The following GRM3 variants were observed in gnomAD, a reference collection of about 807,000 sequenced individuals.
GRM3 encodes the protein metabotropic glutamate receptor 3.
Under a neutral mutation model 70.5 loss-of-function variants are expected in GRM3, and 26 were observed. That is an observed-to-expected ratio of 0.37 (90% CI 0.27 to 0.51). The LOEUF (loss-of-function observed/expected upper bound fraction) is 0.51. Among genes scored for constraint, GRM3 ranks in the 20% least tolerant of loss-of-function variants. The pLI is 0.93. For missense variants in GRM3, 859 were observed against 1,123.8 expected, an observed-to-expected ratio of 0.76 and a Z score of 3.37; for synonymous variants, 443 against 434.9, an observed-to-expected ratio of 1.02 and a Z score of -0.23.
At chr7:86,714,904 A>G (rs1276027034) in intron 1 of GRM3, among the ~76,000 whole-genome samples, 1 of 152,012 alleles carries the variant, frequency 6.6e-6, no homozygotes, top group Non-Finnish European at 1.5e-5. Context: ...CCAATATCCA[A>G]CTTTAAAATG....
intron 1 of GRM3, among the ~76,000 whole-genome samples, chr7:86,738,708 A>C (rs893089687): frequency 2.0e-5 from 3 of 152,172 alleles, no homozygotes; most frequent in African/African-American, 4.8e-5. Flanking sequence ...ACTGCTACTG[A>C]CTTGATGAAA....
intron 5 of GRM3, among the ~76,000 whole-genome samples, chr7:86,855,434 A>C (rs1209401527): frequency 2.0e-5 from 3 of 152,164 alleles, no homozygotes; most frequent in South Asian, 4.1e-4. Flanking sequence ...TCTCTTGCTC[A>C]TGGTAATTGT....
intron 1 of GRM3, among the ~76,000 whole-genome samples, chr7:86,647,107 C>T (rs999527887): frequency 1.3e-5 from 2 of 152,166 alleles, no homozygotes; most frequent in African/African-American, 4.8e-5. Flanking sequence ...GTCAAAAGCT[C>T]ACTGCTTCAC....
At chr7:86,792,743 C>CA (rs1192712680) in intron 3 of GRM3, among the ~76,000 whole-genome samples, 1 of 152,148 alleles carries the variant, frequency 6.6e-6, no homozygotes, top group Non-Finnish European at 1.5e-5. Flanking sequence ...AGTATAAAAG[C>CA]ATGATTATTA....
chr7:86,841,050 TG>T (rs2116742371), intron 4 of GRM3, among the ~76,000 whole-genome samples: 1 of 152,292 alleles, frequency 6.6e-6, no homozygotes, highest in East Asian at 1.9e-4. Context: ...GGTAAGTATG[TG>T]AAGTAATGCA....
intron 1 of GRM3, among the ~76,000 whole-genome samples, chr7:86,759,485 T>A (rs754576384): frequency 6.6e-6 from 1 of 152,164 alleles, no homozygotes; most frequent in Non-Finnish European, 1.5e-5. Context: ...AAAACTTGCA[T>A]GCTACTGGGA....
At chr7:86,811,605 C>T (rs967884154) in intron 3 of GRM3, among the ~76,000 whole-genome samples, 11 of 151,726 alleles carry the variant, frequency 7.2e-5, no homozygotes, top group Non-Finnish European at 1.3e-4. Flanking sequence ...TGACCCCATA[C>T]GCTGAGAGGC....
chr7:86,654,658 C>T (rs796852520), intron 1 of GRM3, among the ~76,000 whole-genome samples: 4 of 152,282 alleles, frequency 2.6e-5, no homozygotes, highest in African/African-American at 9.6e-5. Context: ...CTGTTGATTC[C>T]TTCCTAAATG....
At chr7:86,781,079 T>A (rs1365388389) in intron 2 of GRM3, among the ~76,000 whole-genome samples, 2 of 152,178 alleles carry the variant, frequency 1.3e-5, no homozygotes, top group African/African-American at 4.8e-5. Flanking sequence ...ACTCTTTACC[T>A]TAGTTTCTCA....
chr7:86,761,476 G>A (rs1464205539), intron 1 of GRM3, among the ~76,000 whole-genome samples: 2 of 152,080 alleles, frequency 1.3e-5, no homozygotes, highest in Non-Finnish European at 2.9e-5. Context: ...TAGGGGAAAT[G>A]CATCTGATGT....
intron 1 of GRM3, among the ~76,000 whole-genome samples, chr7:86,663,934 T>A (rs1793960886): frequency 6.6e-6 from 1 of 151,758 alleles, no homozygotes; most frequent in African/African-American, 2.4e-5. Flanking sequence ...GTTAACTAAG[T>A]GAAGAGAAAG....
chr7:86,746,414 A>T (rs1057458975), intron 1 of GRM3, among the ~76,000 whole-genome samples: 1 of 143,046 alleles, frequency 7.0e-6, no homozygotes, highest in Non-Finnish European at 1.5e-5. Flanking sequence ...TTAAGAGGAG[A>T]CAGGAGTGTT....
intron 1 of GRM3, among the ~76,000 whole-genome samples, chr7:86,678,979 A>C (rs1399795596): frequency 6.6e-6 from 1 of 152,088 alleles, no homozygotes; most frequent in African/African-American, 2.4e-5. Context: ...AGCTTTTGGA[A>C]AAGTCTTTTT....
intron 5 of GRM3, among the ~76,000 whole-genome samples, chr7:86,858,741 C>T (rs1798898990): frequency 6.6e-6 from 1 of 152,178 alleles, no homozygotes; most frequent in Non-Finnish European, 1.5e-5. Flanking sequence ...CATGACATAT[C>T]TTCTTTTTCC....
chr7:86,714,054 C>A (rs1225087698), intron 1 of GRM3, among the ~76,000 whole-genome samples: 1 of 151,952 alleles, frequency 6.6e-6, no homozygotes, highest in African/African-American at 2.4e-5. Flanking sequence ...CTCCTTACAT[C>A]ACACAAGAGT....
rs772928487 is a variant in GRM3, at chr7:86,786,254, C to G, written c.469-7C>G. 1 of 1,607,682 alleles carries G rather than the reference C, an allele frequency of 6.2e-7. No homozygotes were observed. The highest frequency in any genetic ancestry group is 1.1e-5 in the South Asian group (1 of 90,180). On this transcript the variant is annotated splice_polypyrimidine_tract_variant and splice_region_variant and intron_variant, in intron 2 of 5. Coordinates refer to ENST00000361669, the MANE Select transcript of GRM3 (RefSeq NM_000840.3). This position sits in a 1 kb window ranked among gnomAD's most constrained non-coding sequence, Gnocchi z 6.0. ...TCTAACAAAGGTCCTTCTTCTCCCT[C>G]CCCTAGGTGGCAAACCTGCTGCGGC... is the stretch of plus-strand genomic sequence containing the variant.
At chr7:86,734,973 T>C (rs558078395) in intron 1 of GRM3, among the ~76,000 whole-genome samples, 2 of 152,240 alleles carry the variant, frequency 1.3e-5, no homozygotes, top group Non-Finnish European at 2.9e-5. Context: ...GGCTTATTAT[T>C]ACTATTAGTA....
Position 86,710,972 on chromosome 7 carries a change from C to A in GRM3, c.-140-54034C>A, listed in dbSNP as rs558631254. On this transcript the variant is annotated intron_variant, in intron 1 of 5. Transcript: ENST00000361669. ...TGTTCCTCCTATCCAGGTTGTCTGG[C>A]TCCATTATTCATGCTTTGAACCACT... is the stretch of plus-strand genomic sequence containing the variant. 1.1e-4 allele frequency among the ~76,000 whole-genome samples: 17 copies of A among 152,124 alleles called. No homozygotes were observed. In the South Asian group the frequency reaches 2.7e-3, roughly 24 times the overall value.
intron 1 of GRM3, among the ~76,000 whole-genome samples, chr7:86,746,817 G>T (rs747010674): frequency 6.6e-6 from 1 of 151,976 alleles, no homozygotes; most frequent in Non-Finnish European, 1.5e-5. Context: ...TGAATAATAG[G>T]GTTGGCAAAT....
Sources: allele counts gnomAD v4.1 joint callset (sites outside exome capture counted in the v4.1 genomes callset), GRCh38; gene constraint gnomAD v4.1.1; non-coding constraint Gnocchi (gnomAD v3.1); transcripts MANE v1.5; gene names NCBI Gene and HGNC (gene_info 2026-07-23, HGNC 2026-07-21).